The following FAXDC2 variants were observed in gnomAD, a reference collection of about 807,000 sequenced individuals.
The protein encoded by FAXDC2 is fatty acid hydroxylase domain containing 2.
In FAXDC2, 41 loss-of-function variants were observed where a neutral mutation model predicts 40.9. The ratio of observed to expected loss-of-function variants is 1.00; its 90% CI spans 0.78 to 1.30. The LOEUF (loss-of-function observed/expected upper bound fraction) is 1.30, where lower values mean the gene tolerates loss of function less well. Among genes scored for constraint, FAXDC2 ranks in the 50% most tolerant of loss-of-function variants. The pLI is 0.00. For missense variants in FAXDC2, 390 were observed against 408.8 expected, an observed-to-expected ratio of 0.95 and a Z score of 0.40; for synonymous variants, 157 against 149.3, an observed-to-expected ratio of 1.05 and a Z score of -0.38.
intron 5 of FAXDC2, chr5:154,824,371 A>C (rs1759967933): frequency 1.5e-6 from 1 of 652,484 alleles, no homozygotes; most frequent in South Asian, 1.7e-5. Context: ...TTTGGTTAGA[A>C]GGGATTTCTC....
In FAXDC2 at chr5:154,834,579, T is replaced by C. The variant is rs1340176931; in HGVS notation, c.244+46A>G. 5.5e-6 allele frequency: 7 copies of C among 1,280,794 alleles called. No homozygotes were observed. In the East Asian group the frequency reaches 1.4e-4, roughly 25 times the overall value. The allele number at this position is 1,280,794 out of a possible 1,614,324, so 79.3% of individuals were successfully genotyped here. On this transcript the variant is annotated intron_variant, in intron 4 of 8. Coordinates refer to ENST00000326080, the MANE Select transcript of FAXDC2 (RefSeq NM_032385.5). ...CAAAACAACAAAAAGAATTAAGTTA[T>C]AATCATGCACCCACATGCTAGGTGC... is the stretch of plus-strand genomic sequence containing the variant.
At chr5:154,840,967 A>G (rs1164573216) in intron 1 of FAXDC2, among the ~76,000 whole-genome samples, 1 of 152,186 alleles carries the variant, frequency 6.6e-6, no homozygotes, top group Admixed American at 6.5e-5. Context: ...CAAGCTGCTT[A>G]TCATTACCAC....
At chr5:154,843,813 T>C (rs1760534881) in intron 1 of FAXDC2, among the ~76,000 whole-genome samples, 1 of 152,218 alleles carries the variant, frequency 6.6e-6, no homozygotes, top group Admixed American at 6.5e-5. Context: ...TATGAGGATA[T>C]AGATGATGAT....
At chr5:154,847,734 AC>A (rs913618631) in intron 1 of FAXDC2, among the ~76,000 whole-genome samples, 2 of 149,554 alleles carry the variant, frequency 1.3e-5, no homozygotes, top group African/African-American at 4.9e-5. Context: ...CAGGTGATAC[AC>A]CCACCTTGGC....
intron 5 of FAXDC2, among the ~76,000 whole-genome samples, chr5:154,827,302 T>C (rs1760061290): frequency 2.8e-5 from 4 of 141,306 alleles, no homozygotes; most frequent in Admixed American, 7.0e-5. Flanking sequence ...AGGGAGACTG[T>C]CTCAAAAAAA....
At chr5:154,824,912 A>G (rs1252745058) in intron 5 of FAXDC2, among the ~76,000 whole-genome samples, 1 of 151,894 alleles carries the variant, frequency 6.6e-6, no homozygotes, top group Non-Finnish European at 1.5e-5. Context: ...AACATCACGA[A>G]ACCCCATCTA....
chr5:154,850,459 C>T (rs1412602489), intron 1 of FAXDC2, 24 bp downstream of exon 1: 1 of 152,360 alleles, frequency 6.6e-6, no homozygotes, highest in Non-Finnish European at 1.5e-5. Context: ...CAAACACCAC[C>T]CCTCCCCCGT....
intron 6 of FAXDC2, among the ~76,000 whole-genome samples, chr5:154,823,050 C>T (rs890162484): frequency 5.3e-5 from 8 of 152,254 alleles, no homozygotes; most frequent in Non-Finnish European, 7.4e-5. Context: ...CTTGCTCTTT[C>T]GCCCAGGCTG....
In FAXDC2 at chr5:154,821,440, G is replaced by T; in HGVS notation, c.679-14C>A. ...CATGTTGGAGACCTGCAAGAGGAGG[G>T]ATGATTGAAGGCAGGGTCCAGGGAG... is the stretch of plus-strand genomic sequence containing the variant. On this transcript the variant is annotated splice_polypyrimidine_tract_variant and intron_variant, in intron 7 of 8. Coordinates refer to ENST00000326080, the MANE Select transcript of FAXDC2 (RefSeq NM_032385.5). 1 of 1,607,694 alleles carries T rather than the reference G, an allele frequency of 6.2e-7. No homozygotes were observed. Among genetic ancestry groups the T allele is most frequent in the Non-Finnish European group, 8.5e-7 (1 of 1,177,264 alleles).
At chr5:154,827,614 C>T (rs1760075469) in intron 5 of FAXDC2, among the ~76,000 whole-genome samples, 3 of 152,008 alleles carry the variant, frequency 2.0e-5, no homozygotes, top group African/African-American at 7.2e-5. Context: ...TAGCTTACTG[C>T]AGCCTCAACC....
intron 4 of FAXDC2, 177 bp from the exon 5 acceptor site, chr5:154,831,099 C>G: frequency 3.5e-6 from 2 of 566,386 alleles, no homozygotes; most frequent in Non-Finnish European, 6.1e-6. Flanking sequence ...CTTGGACAGG[C>G]CATTTAAGGA....
chr5:154,824,489 T>A, intron 5 of FAXDC2: 1 of 702,598 alleles, frequency 1.4e-6, no homozygotes, highest in Non-Finnish European at 2.6e-6. Context: ...AGGCACTGCA[T>A]GCATTAACTG....
chr5:154,836,501 G>A (rs59232897), intron 2 of FAXDC2, among the ~76,000 whole-genome samples: 110 of 152,268 alleles, frequency 7.2e-4, no homozygotes, highest in African/African-American at 2.1e-3. Context: ...AAACTCAGAC[G>A]GGGTCTGCTC....
At chr5:154,824,256 T>C in intron 5 of FAXDC2, 1 of 555,086 alleles carries the variant, frequency 1.8e-6, no homozygotes, top group Non-Finnish European at 3.2e-6. Context: ...AGCCAATATT[T>C]CCCCCAGAAT....
At position 154,823,475 on chromosome 5, in the gene FAXDC2, G is replaced by A. The variant is rs766146660; in HGVS notation, c.484C>T (p.Arg162Cys). 4.5e-5 allele frequency: 73 copies of A among 1,614,040 alleles called. No individual in the cohort carries two copies. Among genetic ancestry groups the A allele is most frequent in the Middle Eastern group, 3.3e-4 (2 of 6,074 alleles). ...PFLKWWRDPC[R>C]RELPTFHWFL... ...CAGTGGAAGGTGGGTAGCTCACGGCGGCAGGGGTCTCTCCACCATTTGAGG... is the reference window on the plus strand; with the variant it reads ...CAGTGGAAGGTGGGTAGCTCACGGCAGCAGGGGTCTCTCCACCATTTGAGG... The change falls in exon 6 of 9, where the codon CGC (arginine) becomes TGC (cysteine). Residue 162 changes from arginine (R) to cysteine (C), a missense_variant. Arg to Cys is a radical substitution (Grantham distance 180, BLOSUM62 -3). Transcript: ENST00000326080.
At chr5:154,822,424 G>A (rs771543825) in intron 7 of FAXDC2, 48 bp downstream of exon 7, 5 of 1,366,752 alleles carry the variant, frequency 3.7e-6, no homozygotes, top group Non-Finnish European at 4.2e-6. Context: ...CAGGAAGGTG[G>A]TTGGGGCCAT....
chr5:154,830,666 A>G, intron 5 of FAXDC2, 135 bp downstream of exon 5: 1 of 1,000,866 alleles, frequency 1.0e-6, no homozygotes, highest in Non-Finnish European at 1.5e-6. Flanking sequence ...TTAACCTTCT[A>G]AACTGGGGGA....
chr5:154,824,178 A>T (rs1759962101), intron 5 of FAXDC2: 1 of 328,790 alleles, frequency 3.0e-6, no homozygotes, highest in Non-Finnish European at 5.6e-6. Context: ...CTGCCCAAGC[A>T]TTTCCACCAG....
At chr5:154,830,999 G>T in intron 4 of FAXDC2, 77 bp from the exon 5 acceptor site, 1 of 1,553,404 alleles carries the variant, frequency 6.4e-7, no homozygotes, top group South Asian at 1.1e-5. Context: ...ATACTTTTTT[G>T]TGGTGACTGA....
Sources: allele counts gnomAD v4.1 joint callset (sites outside exome capture counted in the v4.1 genomes callset), GRCh38; gene constraint gnomAD v4.1.1; transcripts MANE v1.5; gene names NCBI Gene and HGNC (gene_info 2026-07-23, HGNC 2026-07-21).